SLCO4A1: variants seen among roughly 807,000 people sequenced by gnomAD.
The protein encoded by SLCO4A1 is solute carrier organic anion transporter family member 4A1.
SLCO4A1 carries 51 observed loss-of-function variants against 64.6 expected under a neutral mutation model. The observed-to-expected ratio is 0.79, with a 90% CI of 0.63 to 1.00. The LOEUF is 1.00. Ranked by LOEUF, SLCO4A1 falls within the 50% of genes least tolerant of loss-of-function variation. The pLI is 0.00. For synonymous variants in SLCO4A1, 471 were observed against 444.9 expected (o/e 1.06, Z -0.74); for missense variants, 919 against 980.5 (o/e 0.94, Z 0.84).
chr20:62,688,669 G>A (rs960084495), downstream of SLCO4A1, among the ~76,000 whole-genome samples: 1 of 152,152 alleles, frequency 6.6e-6, no homozygotes, highest in Admixed American at 6.5e-5. Context: ...CTGGGGTGGG[G>A]GATGCATGCC....
chr20:62,673,720 CTTCAAGGACTGGAAT>C, downstream of SLCO4A1, among the ~76,000 whole-genome samples: 2 of 104,590 alleles, frequency 1.9e-5, no homozygotes, highest in African/African-American at 2.9e-5. Flanking sequence ...CAGCCCTGGC[CTTCAAGGACTGGAAT>C]CCTGCCAAGG....
rs1569128661 is a variant in SLCO4A1, at chr20:62,656,810, CTG to C, written c.359_360del (p.Val120GlufsTer16). On this transcript the variant is annotated frameshift_variant, in exon 2 of 12. Transcript: ENST00000217159. LOFTEE classifies it high-confidence loss of function. ...GCGGCCGCATTCCTGCAGGGGATGA[CTG>C]TGAATGGCTTCATCAACACAGTCAT... 3.7e-6 allele frequency: 6 copies of C among 1,612,906 alleles called. No individual in the cohort carries two copies. The highest frequency in any genetic ancestry group is 1.6e-4 in the Middle Eastern group (1 of 6,062).
rs1212185861 is a variant in SLCO4A1 at position 62,644,683 on chromosome 20, T to C, written c.-97+2130T>C. On this transcript the variant is annotated intron_variant, in intron 1 of 11. Transcript: ENST00000217159. The surrounding 1 kb of genome is among the most constrained non-coding windows in gnomAD (Gnocchi z 5.4). ...AAAGTTAACTCATCGAGCTTAGTAT[T>C]GTGCCTACAAGGTCTTCGATCCGGA... Among the ~76,000 whole-genome samples the C allele has an allele frequency of 6.6e-6, 1 of 152,244 alleles. No individual in the cohort carries two copies. The highest frequency in any genetic ancestry group is 1.9e-4 in the East Asian group (1 of 5,198).
chr20:62,685,163 G>T lies in SLCO4A1; in HGVS notation n.212-278G>T, dbSNP rs1194223601. Among the ~76,000 whole-genome samples the T allele has an allele frequency of 6.6e-6, 1 of 151,816 alleles. No homozygotes were observed. The highest frequency in any genetic ancestry group is 2.4e-5 in the African/African-American group (1 of 41,286). On this transcript the variant is annotated intron_variant and non_coding_transcript_variant, in intron 2 of 2. Transcript: ENST00000466818. The surrounding 1 kb of genome is among the most constrained non-coding windows in gnomAD (Gnocchi z 4.6). ...AGCAGGGCACTCAGCTGCCGAGGAG[G>T]GGGGTGGTGGGGAGGCACGGGCAGG...
chr20:62,658,586 G>A lies in SLCO4A1; in HGVS notation c.797-91G>A, dbSNP rs543987230. The A allele has an allele frequency of 6.8e-4, 659 of 964,550 alleles. 2 individuals carry two copies. The African/African-American group carries it at 9.6e-3, about 14-fold the overall frequency. The allele number at this position is 964,550 out of a possible 1,614,324, so 59.7% of individuals were successfully genotyped here. Reference sequence around the variant, plus strand: ...GGGCCGGAGATGCAGAATGGCGGGTGCGGGGCTTCTCCCAGGCACGGGGCC... The same window carrying A: ...GGGCCGGAGATGCAGAATGGCGGGTACGGGGCTTCTCCCAGGCACGGGGCC... On this transcript the variant is annotated intron_variant, in intron 2 of 11. Transcript: ENST00000217159.
downstream of SLCO4A1, among the ~76,000 whole-genome samples, chr20:62,686,449 G>A (rs1170157432): frequency 2.0e-5 from 3 of 152,254 alleles, no homozygotes; most frequent in African/African-American, 2.4e-5. Context: ...ACCAAGGGCC[G>A]GGGACAGAGT....
chr20:62,679,738 T>C (rs566458821), intron 2 of SLCO4A1, among the ~76,000 whole-genome samples: 2 of 152,186 alleles, frequency 1.3e-5, no homozygotes, highest in African/African-American at 2.4e-5. Context: ...TGTTTCTCAT[T>C]CCAAGATTCT....
downstream of SLCO4A1, among the ~76,000 whole-genome samples, chr20:62,689,349 C>T (rs1988161805): frequency 4.5e-5 from 6 of 132,492 alleles, no homozygotes; most frequent in South Asian, 1.4e-3. Context: ...GTCTCTTGGG[C>T]AGAGTGGCTC....
chr20:62,654,071 C>T (rs891347430), intron 1 of SLCO4A1, among the ~76,000 whole-genome samples: 6 of 152,200 alleles, frequency 3.9e-5, no homozygotes, highest in African/African-American at 1.4e-4. Context: ...CCCACCAGCT[C>T]CGGAGGCCAG....
At chr20:62,648,075 G>A (rs755342477) in intron 1 of SLCO4A1, among the ~76,000 whole-genome samples, 82 of 152,332 alleles carry the variant, frequency 5.4e-4, no homozygotes, top group Admixed American at 2.5e-3. Context: ...GCCCCCAGCC[G>A]GAGGCTCCAG....
Position 62,645,597 on chromosome 20 carries a change from C to G in SLCO4A1, c.-97+3044C>G, listed in dbSNP as rs957238422. ...TTCAGTTCTTTTCAGTAGCCTCCTT[C>G]CCACCAGCATCACACAGAATTAGAC... is the stretch of plus-strand genomic sequence containing the variant. On this transcript the variant is annotated intron_variant, in intron 1 of 11. Coordinates refer to ENST00000217159, the MANE Select transcript of SLCO4A1 (RefSeq NM_016354.4). This position sits in a 1 kb window ranked among gnomAD's most constrained non-coding sequence, Gnocchi z 4.2. Among the ~76,000 whole-genome samples the G allele has an allele frequency of 6.6e-6, 1 of 151,728 alleles. No individual in the cohort carries two copies. Among genetic ancestry groups the G allele is most frequent in the African/African-American group, 2.4e-5 (1 of 41,322 alleles).
chr20:62,667,582 C>T (rs890501804), intron 7 of SLCO4A1, 163 bp from the exon 8 acceptor site: 3 of 753,050 alleles, frequency 4.0e-6, no homozygotes, highest in Non-Finnish European at 6.5e-6. Flanking sequence ...AAGGCAGTGC[C>T]CAGTGTGAGT....
intron 2 of SLCO4A1, among the ~76,000 whole-genome samples, chr20:62,677,686 G>C (rs1300084728): frequency 6.6e-6 from 1 of 152,260 alleles, no homozygotes; most frequent in Non-Finnish European, 1.5e-5. Flanking sequence ...GGTGGGGTCT[G>C]TGCACCCTCT....
rs748717206 is a variant in SLCO4A1, at chr20:62,658,786, A to C, written c.887+19A>C. 14 of 1,578,640 alleles carry C rather than the reference A, an allele frequency of 8.9e-6. No individual in the cohort carries two copies. The Admixed American group carries it at 2.3e-4, about 26-fold the overall frequency. On this transcript the variant is annotated intron_variant, in intron 3 of 11. Transcript: ENST00000217159. ...GCCGACGGTGAGTGGCCGCGCACCC[A>C]GCTGCCTGCGCTGGAGAGGCCCACG...
At chr20:62,642,769 C>T (rs1980602608) in intron 1 of SLCO4A1, among the ~76,000 whole-genome samples, 1 of 152,158 alleles carries the variant, frequency 6.6e-6, no homozygotes, top group Non-Finnish European at 1.5e-5. Flanking sequence ...CGCTTCCCGC[C>T]GCCGGCTGCG....
chr20:62,686,627 TTAAAAA>T (rs1292947066), downstream of SLCO4A1, among the ~76,000 whole-genome samples: 3 of 152,250 alleles, frequency 2.0e-5, no homozygotes, highest in African/African-American at 7.2e-5. Flanking sequence ...TTTCTTTCTT[TTAAAAA>T]TATTTTATTA....
intron 6 of SLCO4A1, chr20:62,665,373 T>C (rs537788998): frequency 8.0e-5 from 31 of 385,528 alleles, no homozygotes; most frequent in Admixed American, 3.0e-4. Flanking sequence ...TGTGACTTGG[T>C]GCAGGAAGGG....
At chr20:62,659,673 C>T (rs1052884606) in intron 3 of SLCO4A1, among the ~76,000 whole-genome samples, 2 of 152,248 alleles carry the variant, frequency 1.3e-5, no homozygotes, top group African/African-American at 2.4e-5. Context: ...GCGGCCGCAG[C>T]ATTTCTGCGC....
chr20:62,656,302 G>A lies in SLCO4A1; in HGVS notation c.-96-57G>A, dbSNP rs554868220. ...TGGGTGTGCTGGAATGTTCCCTCCT[G>A]GATGTGCTGTACCCGTGGAGAGACG... On this transcript the variant is annotated intron_variant, in intron 1 of 11. Coordinates refer to ENST00000217159, the MANE Select transcript of SLCO4A1 (RefSeq NM_016354.4). 39 of 650,520 alleles carry A rather than the reference G, an allele frequency of 6.0e-5. No individual in the cohort carries two copies. In the South Asian group the frequency reaches 7.2e-4, roughly 12 times the overall value. 40.3% of individuals were successfully genotyped at this position (650,520 alleles called of 1,614,324 possible).
Sources: gnomAD v4.1 joint callset for allele counts (sites outside exome capture counted in the v4.1 genomes callset) on GRCh38, gnomAD v4.1.1 for gene constraint, Gnocchi (gnomAD v3.1) non-coding constraint, MANE v1.5 for transcripts, NCBI Gene and HGNC (gene_info 2026-07-23, HGNC 2026-07-21) for gene names.